SULT2B1: variants seen among roughly 807,000 people sequenced by gnomAD.
SULT2B1 encodes sulfotransferase 2B1.
A neutral mutation model predicts 33.2 loss-of-function variants in SULT2B1; 16 were observed. The observed-to-expected ratio is 0.48, with a 90% CI of 0.33 to 0.73. SULT2B1 has a LOEUF of 0.73. Ranked by LOEUF, SULT2B1 falls within the 30% of genes least tolerant of loss-of-function variation. SULT2B1 has a pLI of 0.02. For synonymous variants in SULT2B1, 186 were observed against 200.5 expected (o/e 0.93, Z 0.61); for missense variants, 500 against 506.0 (o/e 0.99, Z 0.11).
At chr19:48,561,015 C>T (rs1601087325) in intron 1 of SULT2B1, among the ~76,000 whole-genome samples, 1 of 151,570 alleles carries the variant, frequency 6.6e-6, no homozygotes, top group African/African-American at 2.4e-5. Flanking sequence ...GCCCGTAATC[C>T]CAGCTACTCG....
At chr19:48,596,963 G>A in intron 6 of SULT2B1, 44 bp downstream of exon 6, 3 of 1,518,280 alleles carry the variant, frequency 2.0e-6, no homozygotes, top group Non-Finnish European at 1.8e-6. Flanking sequence ...CCACTGCCCG[G>A]CTGTGTGACC....
intron 5 of SULT2B1, among the ~76,000 whole-genome samples, chr19:48,595,175 G>A (rs1223783185): frequency 6.6e-6 from 1 of 151,846 alleles, no homozygotes; most frequent in African/African-American, 2.4e-5. Flanking sequence ...CCAGCTACTC[G>A]GGAAGCTGAG....
chr19:48,584,871 CA>C (rs2147620008), intron 2 of SULT2B1, among the ~76,000 whole-genome samples: 1 of 152,002 alleles, frequency 6.6e-6, no homozygotes, highest in Non-Finnish European at 1.5e-5. Context: ...GCCAACATGG[CA>C]AAACCCCATC....
intron 1 of SULT2B1, among the ~76,000 whole-genome samples, chr19:48,558,814 AGCTGGGACTACAG>A (rs1973138772): frequency 6.7e-6 from 1 of 150,232 alleles, no homozygotes; most frequent in Non-Finnish European, 1.5e-5. Flanking sequence ...CCTCCTGAGT[AGCTGGGACTACAG>A]GCGTGCGCCA....
At chr19:48,582,080 T>A (rs986803854) in intron 2 of SULT2B1, among the ~76,000 whole-genome samples, 5 of 151,798 alleles carry the variant, frequency 3.3e-5, no homozygotes, top group African/African-American at 1.2e-4. Flanking sequence ...AATTTTTGAA[T>A]TATTAGTAGA....
intron 1 of SULT2B1, among the ~76,000 whole-genome samples, chr19:48,571,636 C>CT (rs1973329910): frequency 7.3e-6 from 1 of 137,108 alleles, no homozygotes; most frequent in South Asian, 2.1e-4. Flanking sequence ...AGAACAATAA[C>CT]AAAAGAAAAA....
At chr19:48,575,099 CCTT>C (rs1568407887) in intron 1 of SULT2B1, among the ~76,000 whole-genome samples, 2 of 122,450 alleles carry the variant, frequency 1.6e-5, no homozygotes, top group African/African-American at 6.3e-5. Context: ...TCTGTTTTAA[CCTT>C]TTTTTTTTTT....
In SULT2B1 at chr19:48,599,417, G is replaced by A. The variant is rs1319741555; in HGVS notation, c.*11G>A. 14 of 1,549,540 alleles carry A rather than the reference G, an allele frequency of 9.0e-6. No individual in the cohort carries two copies. Among genetic ancestry groups the A allele is most frequent in the South Asian group, 1.2e-5 (1 of 84,020 alleles). ...CCACGACCCTCATAATAAACACGTC[G>A]ATTCTGTCCAGGTTCCTTGATGCGC... On this transcript the variant is annotated 3_prime_UTR_variant, in exon 7 of 7. Coordinates refer to ENST00000201586, the MANE Select transcript of SULT2B1 (RefSeq NM_177973.2). The surrounding 1 kb of genome is among the most constrained non-coding windows in gnomAD (Gnocchi z 4.1).
chr19:48,557,864 A>G (rs1270542174), intron 1 of SULT2B1, among the ~76,000 whole-genome samples: 2 of 152,202 alleles, frequency 1.3e-5, no homozygotes, highest in Non-Finnish European at 2.9e-5. Flanking sequence ...GGTTGCGGTG[A>G]GTCGAGATCG....
In SULT2B1 at chr19:48,576,103, C is replaced by A. The variant is rs370485885; in HGVS notation, c.214+20C>A. 2 of 1,506,800 alleles carry A rather than the reference C, an allele frequency of 1.3e-6. No homozygotes were observed. Among genetic ancestry groups the A allele is most frequent in the South Asian group, 2.3e-5 (2 of 88,602 alleles). The allele number at this position is 1,506,800 out of a possible 1,614,324, so 93.3% of individuals were successfully genotyped here. A position where few individuals can be genotyped will look rare whatever the true frequency, so the allele number is the denominator to read the frequency against. On this transcript the variant is annotated intron_variant, in intron 2 of 6. Transcript: ENST00000201586. ...AGTCAGGTACCTGCCGGGCTGCGGGCGTCGGGGGCTGGGGAGAGTGGGGAG... is the reference window on the plus strand; with the variant it reads ...AGTCAGGTACCTGCCGGGCTGCGGGAGTCGGGGGCTGGGGAGAGTGGGGAG...
In SULT2B1 at chr19:48,592,388, AGGCCCCT is replaced by A. The variant is rs3837955; in HGVS notation, c.551-331_551-325del. Among the ~76,000 whole-genome samples, 578 of 152,342 alleles carry A rather than the reference AGGCCCCT, an allele frequency of 3.8e-3. 2 individuals are homozygous for A. The highest frequency in any genetic ancestry group is 0.026 in the East Asian group (135 of 5,186). ...GAGAGACAAGGAAACAGGAGGAGAC[AGGCCCCT>A]GGTACTAAGAAAGGCAGCGCCCTTT... On this transcript the variant is annotated intron_variant, in intron 4 of 6. Transcript: ENST00000201586.
chr19:48,581,423 ATTTTTCCTC>A (rs1462458197), intron 2 of SULT2B1, among the ~76,000 whole-genome samples: 5 of 132,334 alleles, frequency 3.8e-5, no homozygotes, highest in African/African-American at 1.4e-4. Flanking sequence ...GTGTTGAAAT[ATTTTTCCTC>A]TTTTGAATTG....
At chr19:48,580,895 C>G (rs1411479463) in intron 2 of SULT2B1, among the ~76,000 whole-genome samples, 1 of 151,968 alleles carries the variant, frequency 6.6e-6, no homozygotes, top group Non-Finnish European at 1.5e-5. Flanking sequence ...AGCCACTGTG[C>G]CTGGCCAGTT....
chr19:48,562,109 A>G (rs1230929253), intron 1 of SULT2B1, among the ~76,000 whole-genome samples: 5 of 149,438 alleles, frequency 3.3e-5, no homozygotes, highest in Non-Finnish European at 5.9e-5. Context: ...AAATTAGGTC[A>G]GGTGTGGTGG....
chr19:48,552,224 C>T lies in SULT2B1; in HGVS notation c.-29C>T, dbSNP rs1424103571. On this transcript the variant is annotated 5_prime_UTR_variant, in exon 1 of 7. Coordinates refer to ENST00000201586, the MANE Select transcript of SULT2B1 (RefSeq NM_177973.2). The surrounding 1 kb of genome is among the most constrained non-coding windows in gnomAD (Gnocchi z 4.8). ...TCTGTGCCGCCTGCTCCCTGCTCGT[C>T]CTCCCCTCCCCACCCTCACCCACCT... is the stretch of plus-strand genomic sequence containing the variant. 35 of 1,610,494 alleles carry T rather than the reference C, an allele frequency of 2.2e-5. No homozygotes were observed. Among genetic ancestry groups the T allele is most frequent in the Non-Finnish European group, 2.1e-5 (25 of 1,177,868 alleles).
chr19:48,569,101 A>G (rs12980615), intron 1 of SULT2B1, among the ~76,000 whole-genome samples: 62,518 of 151,798 alleles, frequency 0.41, 14,095 homozygotes, highest in South Asian at 0.58. Context: ...CCAGCACTTT[A>G]GGAGGCTGAG....
chr19:48,585,129 C>T (rs1973545819), intron 2 of SULT2B1, among the ~76,000 whole-genome samples: 1 of 151,026 alleles, frequency 6.6e-6, no homozygotes, highest in Admixed American at 6.6e-5. Context: ...TCACTTGAGC[C>T]TGGGAGTTGG....
At chr19:48,571,203 A>T (rs1488543776) in intron 1 of SULT2B1, among the ~76,000 whole-genome samples, 9 of 81,246 alleles carry the variant, frequency 1.1e-4, no homozygotes, top group African/African-American at 4.1e-4. Context: ...TTATTTATTT[A>T]TTTATTTATT....
At chr19:48,553,650 C>T (rs1200636205) in intron 1 of SULT2B1, among the ~76,000 whole-genome samples, 3 of 152,204 alleles carry the variant, frequency 2.0e-5, no homozygotes, top group East Asian at 3.9e-4. Flanking sequence ...CCTCCCCTCC[C>T]CTCCCTCAGC....
Sources: allele counts gnomAD v4.1 joint callset (sites outside exome capture counted in the v4.1 genomes callset), GRCh38; gene constraint gnomAD v4.1.1; non-coding constraint Gnocchi (gnomAD v3.1); transcripts MANE v1.5; gene names NCBI Gene and HGNC (gene_info 2026-07-23, HGNC 2026-07-21).